Variants in TRPM3 observed in about 807,000 individuals in gnomAD.
TRPM3 encodes the protein transient receptor potential cation channel subfamily M member 3.
In TRPM3, 77 loss-of-function variants were observed where a neutral mutation model predicts 181.2. The ratio of observed to expected loss-of-function variants is 0.42; its 90% CI spans 0.35 to 0.51. TRPM3 has a LOEUF of 0.51. TRPM3 is among the 20% of genes least tolerant of loss of function. TRPM3 has a pLI of 0.01. For missense variants in TRPM3, 1,759 were observed against 2,196.7 expected (o/e 0.80, Z 3.98); for synonymous variants, 745 against 796.4 (o/e 0.94, Z 1.09).
intron 8 of TRPM3, among the ~76,000 whole-genome samples, chr9:70,741,490 G>T (rs1466022957): frequency 6.6e-6 from 1 of 152,090 alleles, no homozygotes; most frequent in African/African-American, 2.4e-5. Flanking sequence ...CAGATGAAAA[G>T]TCATTATACA....
At chr9:71,198,183 G>A (rs997839825) in intron 1 of TRPM3, among the ~76,000 whole-genome samples, 3 of 151,748 alleles carry the variant, frequency 2.0e-5, no homozygotes, top group South Asian at 2.1e-4. Flanking sequence ...GATAGTTGTA[G>A]ATATGTGGTG....
intron 1 of TRPM3, among the ~76,000 whole-genome samples, chr9:71,135,759 TTGAGCATA>T (rs547547202): frequency 1.0e-3 from 159 of 152,282 alleles, no homozygotes; most frequent in African/African-American, 3.7e-3. Context: ...TCAGATATAT[TTGAGCATA>T]TGCTTATCTT....
At chr9:71,350,535 T>G (rs2091564370) in intron 1 of TRPM3, among the ~76,000 whole-genome samples, 1 of 152,236 alleles carries the variant, frequency 6.6e-6, no homozygotes, top group African/African-American at 2.4e-5. Context: ...GTCTTAAGTT[T>G]GCATTTTCAG....
intron 3 of TRPM3, among the ~76,000 whole-genome samples, chr9:70,861,383 C>A (rs1023452592): frequency 6.6e-6 from 1 of 152,128 alleles, no homozygotes; most frequent in Non-Finnish European, 1.5e-5. Context: ...CCTATTGGTG[C>A]TCCATATCTG....
intron 1 of TRPM3, among the ~76,000 whole-genome samples, chr9:71,431,397 A>G (rs565927326): frequency 1.1e-4 from 17 of 152,294 alleles, no homozygotes; most frequent in African/African-American, 3.6e-4. Flanking sequence ...ATATTGCCCT[A>G]TTTTTAATTT....
chr9:70,880,124 G>T (rs1038824421), intron 1 of TRPM3, among the ~76,000 whole-genome samples: 1 of 152,084 alleles, frequency 6.6e-6, no homozygotes, highest in African/African-American at 2.4e-5. Context: ...GAATGTCTGT[G>T]CCTTCCAATT....
intron 1 of TRPM3, among the ~76,000 whole-genome samples, chr9:71,262,377 C>T (rs2083119314): frequency 6.6e-6 from 1 of 152,144 alleles, no homozygotes; most frequent in African/African-American, 2.4e-5. Flanking sequence ...AACCAAGCTC[C>T]AGTGTCTCAG....
chr9:71,172,230 G>A (rs1006339612), intron 1 of TRPM3, among the ~76,000 whole-genome samples: 8 of 151,926 alleles, frequency 5.3e-5, no homozygotes, highest in Non-Finnish European at 1.2e-4. Flanking sequence ...TGGAGGAAGT[G>A]GCTCCTGAAC....
chr9:70,753,774 G>A (rs1186867287), intron 8 of TRPM3, among the ~76,000 whole-genome samples: 1 of 152,064 alleles, frequency 6.6e-6, no homozygotes, highest in Non-Finnish European at 1.5e-5. Context: ...AGATTTTAAA[G>A]TCTTAGATTT....
intron 19 of TRPM3, 68 bp downstream of exon 19, chr9:70,610,541 A>T (rs959251589): frequency 3.3e-5 from 51 of 1,559,804 alleles, no homozygotes; most frequent in Middle Eastern, 1.7e-4. Flanking sequence ...AACCACACAG[A>T]TGCATGAGAA....
intron 1 of TRPM3, among the ~76,000 whole-genome samples, chr9:71,208,169 ACTGTTTACCTAT>A (rs529346704): frequency 1.9e-4 from 29 of 152,280 alleles, no homozygotes; most frequent in African/African-American, 6.7e-4. Flanking sequence ...TAGACAGAAC[ACTGTTTACCTAT>A]TCATCTGTAT....
At chr9:70,765,801 T>C (rs1246975225) in intron 7 of TRPM3, among the ~76,000 whole-genome samples, 3 of 152,174 alleles carry the variant, frequency 2.0e-5, no homozygotes, top group African/African-American at 7.2e-5. Flanking sequence ...CCCATCTTTT[T>C]CTGTGCAACA....
intron 1 of TRPM3, among the ~76,000 whole-genome samples, chr9:71,048,280 G>C (rs2059688890): frequency 6.6e-6 from 1 of 152,108 alleles, no homozygotes; most frequent in Non-Finnish European, 1.5e-5. Flanking sequence ...ACAGAAGACT[G>C]GTTAAAAAAC....
At chr9:71,055,180 AG>A (rs2060518391) in intron 1 of TRPM3, among the ~76,000 whole-genome samples, 1 of 152,068 alleles carries the variant, frequency 6.6e-6, no homozygotes. Context: ...TGGTTCGGAC[AG>A]GGTACATTTT....
intron 1 of TRPM3, among the ~76,000 whole-genome samples, chr9:71,108,917 G>A (rs1342443663): frequency 6.6e-6 from 1 of 152,174 alleles, no homozygotes; most frequent in Non-Finnish European, 1.5e-5. Flanking sequence ...GTGTTTCTAT[G>A]AGGGTATTTT....
chr9:71,355,234 C>A (rs185397080), intron 1 of TRPM3, among the ~76,000 whole-genome samples: 1 of 152,250 alleles, frequency 6.6e-6, no homozygotes, highest in East Asian at 1.9e-4. Context: ...TCAATGTGAG[C>A]TTATTTGGAA....
At chr9:70,669,890 C>T (rs1171653071) in intron 9 of TRPM3, among the ~76,000 whole-genome samples, 2 of 152,024 alleles carry the variant, frequency 1.3e-5, no homozygotes, top group Non-Finnish European at 2.9e-5. Flanking sequence ...GTATGCACCA[C>T]TATGCCTGGA....
intron 3 of TRPM3, 149 bp downstream of exon 3, chr9:70,862,759 G>C: frequency 1.4e-6 from 1 of 721,828 alleles, no homozygotes; most frequent in Non-Finnish European, 2.4e-6. Context: ...AGACACACAG[G>C]GGCAGGGGAC....
At chr9:70,784,622 C>T (rs950673311) in intron 6 of TRPM3, among the ~76,000 whole-genome samples, 7 of 152,134 alleles carry the variant, frequency 4.6e-5, no homozygotes, top group Non-Finnish European at 7.3e-5. Context: ...CAACCAAGAG[C>T]GTGGAAGCTG....
Sources: allele counts gnomAD v4.1 joint callset (sites outside exome capture counted in the v4.1 genomes callset), GRCh38; gene constraint gnomAD v4.1.1; transcripts MANE v1.5; gene names NCBI Gene and HGNC (gene_info 2026-07-23, HGNC 2026-07-21).